Variants in CDK14 observed in about 807,000 individuals in gnomAD.
CDK14 encodes the protein cyclin dependent kinase 14.
A neutral mutation model predicts 60.7 loss-of-function variants in CDK14; 34 were observed. That is an observed-to-expected ratio of 0.56 (90% CI 0.43 to 0.75). The LOEUF is 0.75. CDK14 is among the 30% of genes least tolerant of loss of function. The pLI, the probability that CDK14 is intolerant of heterozygous loss-of-function variation, is 0.00. For missense variants in CDK14, 482 were observed against 564.1 expected (o/e 0.85, Z 1.47); for synonymous variants, 197 against 203.7 (o/e 0.97, Z 0.28).
chr7:90,744,198 G>GC (rs1483743639), intron 3 of CDK14, among the ~76,000 whole-genome samples: 5 of 152,092 alleles, frequency 3.3e-5, no homozygotes, highest in Non-Finnish European at 7.4e-5. Flanking sequence ...TAAGATTAGG[G>GC]AGTGGTGATG....
intron 9 of CDK14, among the ~76,000 whole-genome samples, chr7:90,961,243 A>C (rs1321784983): frequency 1.3e-5 from 2 of 152,192 alleles, no homozygotes; most frequent in African/African-American, 4.8e-5. Flanking sequence ...TGTCCTTTGC[A>C]TAACTAAAAT....
At chr7:90,840,483 T>A (rs1241762978) in intron 5 of CDK14, among the ~76,000 whole-genome samples, 3 of 152,170 alleles carry the variant, frequency 2.0e-5, no homozygotes, top group Non-Finnish European at 2.9e-5. Context: ...AAGTTCCCAT[T>A]TGATGTATTA....
intron 4 of CDK14, among the ~76,000 whole-genome samples, chr7:90,785,464 G>A (rs1562769048): frequency 6.6e-6 from 1 of 152,082 alleles, no homozygotes; most frequent in East Asian, 1.9e-4. Context: ...TATTGTTTTT[G>A]CAGAACATTA....
intron 1 of CDK14, among the ~76,000 whole-genome samples, chr7:90,597,833 G>GTTTTTTTTTTTTTTTTTTTT (rs11351927): frequency 7.2e-6 from 1 of 138,610 alleles, no homozygotes; most frequent in Non-Finnish European, 1.6e-5. Context: ...ATTTAGCCAA[G>GTTTTTTTTTTTTTTTTTTTT]TTTTTTTTTT....
rs568979803 is a variant in CDK14, at chr7:90,641,906, A to T, written c.123+37657A>T. On this transcript the variant is annotated intron_variant, in intron 2 of 14. Transcript: ENST00000380050. ...AATCATGGCAGAAGGTGAAAGGCAC[A>T]TCTCACATGGTGGCAGACAAGAGAG... 2.6e-5 allele frequency among the ~76,000 whole-genome samples: 4 copies of T among 152,318 alleles called. No individual in the cohort carries two copies. In the East Asian group the frequency reaches 7.7e-4, roughly 29 times the overall value.
intron 7 of CDK14, among the ~76,000 whole-genome samples, chr7:90,907,572 CATA>C (rs368967215): frequency 4.7e-4 from 71 of 152,096 alleles, no homozygotes; most frequent in East Asian, 1.4e-3. Flanking sequence ...TTTCTGTTAT[CATA>C]ATGACTTTTC....
chr7:90,995,427 A>T (rs1488148631), intron 10 of CDK14, among the ~76,000 whole-genome samples: 2 of 152,226 alleles, frequency 1.3e-5, no homozygotes, highest in African/African-American at 4.8e-5. Context: ...CACCTAGCCA[A>T]GATTCATTGG....
chr7:91,127,211 G>A (rs1215161565), intron 14 of CDK14, among the ~76,000 whole-genome samples: 6 of 152,164 alleles, frequency 3.9e-5, no homozygotes, highest in Non-Finnish European at 8.8e-5. Flanking sequence ...ATGAGCAGAG[G>A]AGTGTGGACT....
At chr7:91,196,581 C>T (rs769451698) in intron 14 of CDK14, among the ~76,000 whole-genome samples, 2 of 152,210 alleles carry the variant, frequency 1.3e-5, no homozygotes, top group Admixed American at 6.5e-5. Flanking sequence ...AGAGTGGTGG[C>T]CTTAGCCATC....
chr7:90,805,798 A>G (rs1788803824), intron 5 of CDK14, among the ~76,000 whole-genome samples: 1 of 152,138 alleles, frequency 6.6e-6, no homozygotes, highest in African/African-American at 2.4e-5. Context: ...TATATTTCAT[A>G]TATTACATTA....
intron 14 of CDK14, among the ~76,000 whole-genome samples, chr7:91,179,470 G>C (rs1266883228): frequency 6.7e-6 from 1 of 149,286 alleles, no homozygotes; most frequent in African/African-American, 2.5e-5. Context: ...TAACCTGCAC[G>C]ATGTGCACAT....
rs531223364 is a variant in CDK14, at chr7:91,078,353, T to G, written c.1106-1079T>G. On this transcript the variant is annotated intron_variant, in intron 11 of 14. Transcript: ENST00000380050. Reference sequence around the variant, plus strand: ...CAGGCGCAGTGGCTCACTTGTGTAATCCCAGCACTTTGGGAGGCCAAGGCA... The same window carrying G: ...CAGGCGCAGTGGCTCACTTGTGTAAGCCCAGCACTTTGGGAGGCCAAGGCA... 2.0e-5 allele frequency among the ~76,000 whole-genome samples: 3 copies of G among 152,344 alleles called. No homozygotes were observed. In the South Asian group the frequency reaches 6.2e-4, roughly 32 times the overall value.
At chr7:90,626,771 C>T (rs1349064573) in intron 2 of CDK14, among the ~76,000 whole-genome samples, 1 of 152,028 alleles carries the variant, frequency 6.6e-6, no homozygotes, top group Non-Finnish European at 1.5e-5. Context: ...GAAACCTCAT[C>T]TCTACAAAAA....
intron 11 of CDK14, among the ~76,000 whole-genome samples, chr7:91,070,754 G>T (rs1378267727): frequency 1.3e-5 from 2 of 151,370 alleles, no homozygotes; most frequent in South Asian, 4.2e-4. Flanking sequence ...GCAAGACCTT[G>T]TCTTTAAAAA....
intron 13 of CDK14, among the ~76,000 whole-genome samples, chr7:91,112,905 A>G (rs1799511697): frequency 1.3e-5 from 2 of 152,056 alleles, no homozygotes; most frequent in South Asian, 4.2e-4. Context: ...ATGTGTATAT[A>G]TATTTAGTGG....
chr7:90,750,194 ACACACACC>A (rs1562752204), intron 4 of CDK14, among the ~76,000 whole-genome samples: 1 of 95,864 alleles, frequency 1.0e-5, no homozygotes, highest in African/African-American at 3.6e-5. Context: ...ACACACACAC[ACACACACC>A]AATAATATTA....
chr7:91,135,209 G>A (rs1039161865), intron 14 of CDK14, among the ~76,000 whole-genome samples: 1 of 151,938 alleles, frequency 6.6e-6, no homozygotes, highest in Admixed American at 6.6e-5. Context: ...AAAACTGGGG[G>A]ACAGAGGGTT....
chr7:90,993,347 A>G (rs973212806), intron 10 of CDK14, among the ~76,000 whole-genome samples: 1 of 152,212 alleles, frequency 6.6e-6, no homozygotes, highest in African/African-American at 2.4e-5. Flanking sequence ...ATATTCATAT[A>G]TTTTATAATC....
chr7:91,152,041 G>A (rs763236379), intron 14 of CDK14, among the ~76,000 whole-genome samples: 22 of 152,218 alleles, frequency 1.4e-4, no homozygotes, highest in Non-Finnish European at 2.5e-4. Context: ...AATGGGCTTG[G>A]TTGGCTTTGT....
Sources: gnomAD v4.1 joint callset for allele counts (sites outside exome capture counted in the v4.1 genomes callset) on GRCh38, gnomAD v4.1.1 for gene constraint, MANE v1.5 for transcripts, NCBI Gene and HGNC (gene_info 2026-07-23, HGNC 2026-07-21) for gene names.